The following USP8 variants were observed in gnomAD, a reference collection of about 807,000 sequenced individuals.
The protein encoded by USP8 is ubiquitin specific peptidase 8.
USP8 carries 27 observed loss-of-function variants against 130.0 expected under a neutral mutation model. The observed-to-expected ratio is 0.21, with a 90% CI of 0.15 to 0.29. The LOEUF (loss-of-function observed/expected upper bound fraction) is 0.29. Ranked by LOEUF, USP8 falls within the 10% of genes least tolerant of loss-of-function variation. The probability of loss-of-function intolerance (pLI) is 1.00; values close to 1 mark genes in which losing one functional copy is unlikely to be tolerated. For missense variants in USP8, 1,029 were observed against 1,312.2 expected, an observed-to-expected ratio of 0.78 and a Z score of 3.33; for synonymous variants, 392 against 444.1, an observed-to-expected ratio of 0.88 and a Z score of 1.48.
At chr15:50,428,306 G>A (rs1164113353) in intron 1 of USP8, among the ~76,000 whole-genome samples, 2 of 152,078 alleles carry the variant, frequency 1.3e-5, no homozygotes, top group Non-Finnish European at 2.9e-5. Context: ...TAGTAGAGAT[G>A]GGGTTTCACT....
chr15:50,441,616 G>A, intron 3 of USP8, 123 bp downstream of exon 3: 1 of 787,060 alleles, frequency 1.3e-6, no homozygotes, highest in South Asian at 2.2e-5. Context: ...ATGATCTCAT[G>A]TAGATAGAAA....
At chr15:50,450,386 A>G (rs1239018794) in intron 4 of USP8, among the ~76,000 whole-genome samples, 3 of 151,778 alleles carry the variant, frequency 2.0e-5, no homozygotes, top group Non-Finnish European at 4.4e-5. Context: ...GGTATTTGCC[A>G]TGACTTGCTT....
At chr15:50,451,447 C>T (rs1566850148) in intron 4 of USP8, among the ~76,000 whole-genome samples, 4 of 152,122 alleles carry the variant, frequency 2.6e-5, no homozygotes, top group Non-Finnish European at 1.5e-5. Flanking sequence ...TAAAGGAAGT[C>T]ATTAAGAAAA....
intron 3 of USP8, among the ~76,000 whole-genome samples, chr15:50,443,299 A>T (rs1173317135): frequency 2.0e-5 from 3 of 151,972 alleles, no homozygotes; most frequent in Middle Eastern, 3.2e-3. Context: ...TCGTTCTCCC[A>T]AAGTGCTGGG....
intron 8 of USP8, among the ~76,000 whole-genome samples, chr15:50,476,181 C>G (rs531396837): frequency 6.6e-6 from 1 of 152,222 alleles, no homozygotes; most frequent in South Asian, 2.1e-4. Flanking sequence ...CCTATAAATC[C>G]CAGCACTTTG....
At chr15:50,442,403 A>T (rs773289470) in intron 3 of USP8, among the ~76,000 whole-genome samples, 1 of 152,178 alleles carries the variant, frequency 6.6e-6, no homozygotes, top group Non-Finnish European at 1.5e-5. Context: ...GATGACTAGG[A>T]TAAGTGTTGA....
At chr15:50,479,820 G>A (rs564090976) in intron 10 of USP8, among the ~76,000 whole-genome samples, 40 of 151,776 alleles carry the variant, frequency 2.6e-4, no homozygotes, top group African/African-American at 8.7e-4. Context: ...GTGCAGTGGC[G>A]TGATCACAGC....
At position 50,503,582 on chromosome 15, in the gene USP8, T is replaced by C. The variant is rs921360793; in HGVS notation, c.*4494T>C. ...AACAAAATCCACCCTCTAGTGCTTG[T>C]GTTAGCTTGGACTCATGGTACAGAG... On this transcript the variant is annotated 3_prime_UTR_variant, in exon 20 of 20. Coordinates refer to ENST00000307179, the MANE Select transcript of USP8 (RefSeq NM_005154.5). 1 of 152,234 alleles carries C rather than the reference T, an allele frequency of 6.6e-6. No individual in the cohort carries two copies. Among genetic ancestry groups the C allele is most frequent in the Admixed American group, 6.5e-5 (1 of 15,278 alleles). The allele number at this position is 152,234 out of a possible 1,614,324, so 9.4% of individuals were successfully genotyped here.
intron 4 of USP8, among the ~76,000 whole-genome samples, chr15:50,449,980 G>A (rs1318807174): frequency 1.5e-5 from 2 of 130,586 alleles, no homozygotes; most frequent in African/African-American, 2.9e-5. Flanking sequence ...TGCAGACTCC[G>A]CCCCTGGGGT....
At chr15:50,428,858 G>C (rs2049831918) in intron 1 of USP8, among the ~76,000 whole-genome samples, 1 of 152,080 alleles carries the variant, frequency 6.6e-6, no homozygotes, top group African/African-American at 2.4e-5. Flanking sequence ...TGACATACGT[G>C]AATCTCTGCT....
At chr15:50,477,122 A>T in intron 9 of USP8, 129 bp downstream of exon 9, 1 of 1,372,498 alleles carries the variant, frequency 7.3e-7, no homozygotes, top group Non-Finnish European at 9.9e-7. Flanking sequence ...AGGCATAAAA[A>T]TATAAGCCTG....
At chr15:50,486,018 G>A (rs1407365110) in intron 12 of USP8, among the ~76,000 whole-genome samples, 1 of 151,950 alleles carries the variant, frequency 6.6e-6, no homozygotes, top group Non-Finnish European at 1.5e-5. Flanking sequence ...TCTGTGGATG[G>A]TTGAATTCAC....
At chr15:50,490,572 A>G (rs1325588562) in intron 14 of USP8, 47 bp downstream of exon 14, 2 of 1,584,806 alleles carry the variant, frequency 1.3e-6, no homozygotes, top group Non-Finnish European at 8.5e-7. Flanking sequence ...GCTGTATTTC[A>G]AAGTTTCTAC....
At chr15:50,487,001 G>C (rs1279710786) in intron 12 of USP8, among the ~76,000 whole-genome samples, 1 of 152,018 alleles carries the variant, frequency 6.6e-6, no homozygotes, top group Admixed American at 6.6e-5. Context: ...GCGTGTGCCT[G>C]TAGTCCCAGC....
chr15:50,456,569 G>A (rs571961385), intron 4 of USP8, among the ~76,000 whole-genome samples: 10 of 127,324 alleles, frequency 7.9e-5, no homozygotes, highest in East Asian at 2.6e-4. Context: ...GTGAGACTCC[G>A]TCTCAAAAAA....
intron 13 of USP8, 26 bp from the exon 14 acceptor site, chr15:50,490,237 G>GTT (rs368317483): frequency 1.3e-4 from 163 of 1,225,674 alleles, no homozygotes; most frequent in Admixed American, 3.5e-4. Flanking sequence ...TTTTTGACCT[G>GTT]TTTTTTTTTT....
At position 50,500,571 on chromosome 15, in the gene USP8, A is replaced by C. The variant is rs753445508; in HGVS notation, c.*1483A>C. On this transcript the variant is annotated 3_prime_UTR_variant, in exon 20 of 20. Transcript: ENST00000307179. ...ATGTTAATGATGCAAGTAAGTTCTA[A>C]GAGTTTAATGACCAAGCAAAACTCT... 4 of 529,816 alleles carry C rather than the reference A, an allele frequency of 7.5e-6. No homozygotes were observed. The highest frequency in any genetic ancestry group is 1.0e-5 in the Non-Finnish European group (3 of 292,862). The allele number at this position is 529,816 out of a possible 1,614,324, so 32.8% of individuals were successfully genotyped here.
intron 2 of USP8, 39 bp from the exon 3 acceptor site, chr15:50,441,310 G>A (rs372328315): frequency 6.5e-7 from 1 of 1,542,178 alleles, no homozygotes; most frequent in South Asian, 1.2e-5. Flanking sequence ...TTTCCCAGAT[G>A]TCAATTGCTT....
At chr15:50,426,481 C>T (rs930024817) in intron 1 of USP8, among the ~76,000 whole-genome samples, 1 of 152,176 alleles carries the variant, frequency 6.6e-6, no homozygotes, top group African/African-American at 2.4e-5. Flanking sequence ...GTGGTTTTCA[C>T]CTAGAGTTTA....
Sources: allele counts gnomAD v4.1 joint callset (sites outside exome capture counted in the v4.1 genomes callset), GRCh38; gene constraint gnomAD v4.1.1; transcripts MANE v1.5; gene names NCBI Gene and HGNC (gene_info 2026-07-23, HGNC 2026-07-21).